SPAG16: variants seen among roughly 807,000 people sequenced by gnomAD.
SPAG16 encodes the protein sperm-associated antigen 16 protein.
A neutral mutation model predicts 80.4 loss-of-function variants in SPAG16; 86 were observed. That is an observed-to-expected ratio of 1.07 (90% CI 0.90 to 1.28). The LOEUF is 1.28. Among genes scored for constraint, SPAG16 ranks in the 50% most tolerant of loss-of-function variants. The probability of loss-of-function intolerance (pLI) is 0.00; values close to 1 mark genes in which losing one functional copy is unlikely to be tolerated. For synonymous variants in SPAG16, 294 were observed against 265.9 expected, an observed-to-expected ratio of 1.11 and a Z score of -1.03; for missense variants, 870 against 765.3, an observed-to-expected ratio of 1.14 and a Z score of -1.61.
At chr2:213,968,463 G>GATT (rs1364967559) in intron 12 of SPAG16, among the ~76,000 whole-genome samples, 1 of 152,170 alleles carries the variant, frequency 6.6e-6, no homozygotes, top group East Asian at 1.9e-4. Context: ...AAAGTGCTGG[G>GATT]ATTATAGGTG....
At chr2:213,402,761 A>G (rs1479140859) in intron 9 of SPAG16, among the ~76,000 whole-genome samples, 1 of 152,110 alleles carries the variant, frequency 6.6e-6, no homozygotes, top group Non-Finnish European at 1.5e-5. Context: ...TGAACTCATC[A>G]TTTTTTATGG....
intron 15 of SPAG16, among the ~76,000 whole-genome samples, chr2:214,193,678 C>T (rs534458441): frequency 5.3e-5 from 8 of 152,040 alleles, no homozygotes; most frequent in African/African-American, 1.7e-4. Flanking sequence ...AAGTTGCTGA[C>T]AAAAGGGAGA....
intron 10 of SPAG16, among the ~76,000 whole-genome samples, chr2:213,727,320 T>G (rs1157683508): frequency 3.3e-5 from 5 of 152,134 alleles, no homozygotes; most frequent in African/African-American, 7.2e-5. Context: ...GACTGGCAGT[T>G]TTTTTAAAAA....
intron 12 of SPAG16, among the ~76,000 whole-genome samples, chr2:214,008,758 A>AT (rs2124927871): frequency 6.6e-6 from 1 of 152,310 alleles, no homozygotes; most frequent in African/African-American, 2.4e-5. Flanking sequence ...AAAAAAAAAA[A>AT]AATACATGCT....
chr2:214,041,286 G>A (rs1372116835), intron 13 of SPAG16, among the ~76,000 whole-genome samples: 1 of 151,694 alleles, frequency 6.6e-6, no homozygotes, highest in African/African-American at 2.4e-5. Context: ...TTGTGTTAAA[G>A]TTTTCTTCTT....
At chr2:214,404,277 G>T (rs1192622932) in intron 15 of SPAG16, among the ~76,000 whole-genome samples, 1 of 152,174 alleles carries the variant, frequency 6.6e-6, no homozygotes. Context: ...CCAAAGATCT[G>T]ATTTCAGCCA....
rs554975145 is a variant in SPAG16 at position 214,076,496 on chromosome 2, A to G, written c.1528-31700A>G. Among the ~76,000 whole-genome samples the G allele has an allele frequency of 8.8e-5, 13 of 148,130 alleles. No individual in the cohort carries two copies. In the East Asian group the frequency reaches 2.6e-3, roughly 30 times the overall value. On this transcript the variant is annotated intron_variant, in intron 13 of 15. Transcript: ENST00000331683. Reference sequence around the variant, plus strand: ...AATTAGGGTATCTCAATTTATTTTAATTCTTCTTATTTTATTCTGTGTGTG... The same window carrying G: ...AATTAGGGTATCTCAATTTATTTTAGTTCTTCTTATTTTATTCTGTGTGTG...
chr2:213,372,797 A>G (rs757784629), intron 8 of SPAG16, among the ~76,000 whole-genome samples: 9 of 152,084 alleles, frequency 5.9e-5, no homozygotes, highest in Non-Finnish European at 1.3e-4. Flanking sequence ...TAAGGAAGTT[A>G]GGGAGTGGCA....
intron 15 of SPAG16, among the ~76,000 whole-genome samples, chr2:214,328,909 A>G (rs531879621): frequency 5.9e-5 from 9 of 152,258 alleles, no homozygotes; most frequent in African/African-American, 2.2e-4. Context: ...TATTTAGTGT[A>G]TGTGGTTTTT....
chr2:213,754,717 C>T (rs1376462443), intron 10 of SPAG16, among the ~76,000 whole-genome samples: 3 of 64,134 alleles, frequency 4.7e-5, no homozygotes, highest in African/African-American at 1.3e-4. Flanking sequence ...AGCCCAATGA[C>T]TAGTTTCTTC....
intron 10 of SPAG16, among the ~76,000 whole-genome samples, chr2:213,621,104 A>G (rs1293398454): frequency 6.6e-6 from 1 of 152,200 alleles, no homozygotes; most frequent in Non-Finnish European, 1.5e-5. Flanking sequence ...AGCTAGTAAG[A>G]TGCTTTGGCT....
intron 13 of SPAG16, among the ~76,000 whole-genome samples, chr2:214,046,615 C>A (rs375584084): frequency 1.3e-5 from 2 of 152,050 alleles, no homozygotes; most frequent in East Asian, 1.9e-4. Flanking sequence ...GAAAGCTTTT[C>A]CTCTAAGATG....
At chr2:213,535,638 T>G (rs2076216817) in intron 10 of SPAG16, among the ~76,000 whole-genome samples, 1 of 152,184 alleles carries the variant, frequency 6.6e-6, no homozygotes, top group South Asian at 2.1e-4. Flanking sequence ...TCTAATTGTT[T>G]TGTTACCCAT....
intron 5 of SPAG16, among the ~76,000 whole-genome samples, chr2:213,325,666 G>A (rs1482209234): frequency 6.6e-6 from 1 of 151,560 alleles, no homozygotes; most frequent in Non-Finnish European, 1.5e-5. Flanking sequence ...TTTGAGGGGG[G>A]AAGGATTGAT....
chr2:213,600,651 A>G (rs1375699033), intron 10 of SPAG16, among the ~76,000 whole-genome samples: 1 of 152,202 alleles, frequency 6.6e-6, no homozygotes. Flanking sequence ...AGGAATGATG[A>G]TGTATTAGTT....
At chr2:214,054,230 G>A (rs938884826) in intron 13 of SPAG16, among the ~76,000 whole-genome samples, 2 of 152,068 alleles carry the variant, frequency 1.3e-5, no homozygotes, top group Non-Finnish European at 2.9e-5. Flanking sequence ...GGCTGGTCTC[G>A]AACTCCTGAC....
intron 6 of SPAG16, among the ~76,000 whole-genome samples, chr2:213,342,352 A>AT (rs1386984059): frequency 1.8e-5 from 1 of 57,018 alleles, no homozygotes; most frequent in Admixed American, 2.2e-4. Flanking sequence ...ACATATATGT[A>AT]TATATATATT....
At chr2:213,842,128 A>AT (rs1288786163) in intron 10 of SPAG16, among the ~76,000 whole-genome samples, 23 of 152,256 alleles carry the variant, frequency 1.5e-4, no homozygotes, top group African/African-American at 5.5e-4. Context: ...GTGTATTTTG[A>AT]ATTTTTTTTC....
intron 12 of SPAG16, among the ~76,000 whole-genome samples, chr2:213,960,612 C>G (rs376400393): frequency 6.6e-6 from 1 of 152,040 alleles, no homozygotes; most frequent in East Asian, 1.9e-4. Flanking sequence ...CAGGAGTTAG[C>G]CTGAGGTGTA....
Sources: allele counts gnomAD v4.1 joint callset (sites outside exome capture counted in the v4.1 genomes callset), GRCh38; gene constraint gnomAD v4.1.1; transcripts MANE v1.5; gene names NCBI Gene and HGNC (gene_info 2026-07-23, HGNC 2026-07-21).